Variants in SYT11 observed in about 807,000 individuals in gnomAD.
SYT11 encodes the protein synaptotagmin 11, also known as synaptotagmin-11.
Under a neutral mutation model 30.4 loss-of-function variants are expected in SYT11, and 12 were observed. The observed-to-expected ratio is 0.39, with a 90% CI of 0.25 to 0.64. The LOEUF is 0.64. Among genes scored for constraint, SYT11 ranks in the 30% least tolerant of loss-of-function variants. The pLI is 0.45. For missense variants in SYT11, 412 were observed against 552.0 expected (o/e 0.75, Z 2.54); for synonymous variants, 204 against 216.0 (o/e 0.94, Z 0.49).
chr1:155,868,012 G>A lies in SYT11; in HGVS notation c.82G>A (p.Val28Met), dbSNP rs145225266. Reference protein sequence around the residue: ...AGLIGASVLVVCVSVTVFVWS... With the variant: ...AGLIGASVLVMCVSVTVFVWS... ...CCTCATCGGGGCCTCTGTGCTGGTG[G>A]TGTGTGTCTCGGTGACCGTCTTTGT... is the stretch of plus-strand genomic sequence containing the variant. The change falls in exon 2 of 4, where the codon GTG (valine) becomes ATG (methionine). Residue 28 changes from valine to methionine, a missense_variant. Physicochemically the swap from Val to Met is conservative, Grantham distance 21. Transcript: ENST00000368324. This position sits in a 1 kb window ranked among gnomAD's most constrained non-coding sequence, Gnocchi z 4.7. 1.4e-5 allele frequency: 23 copies of A among 1,613,180 alleles called. No homozygotes were observed. The highest frequency in any genetic ancestry group is 1.6e-5 in the Non-Finnish European group (19 of 1,179,832).
intron 2 of SYT11, among the ~76,000 whole-genome samples, chr1:155,871,705 C>T (rs1672782720): frequency 6.6e-6 from 1 of 152,196 alleles, no homozygotes; most frequent in African/African-American, 2.4e-5. Flanking sequence ...AACACATGCC[C>T]TGGAGAAGGC....
chr1:155,877,383 C>T (rs1361696050), intron 2 of SYT11, among the ~76,000 whole-genome samples: 1 of 151,284 alleles, frequency 6.6e-6, no homozygotes, highest in Admixed American at 6.6e-5. Context: ...GGAATAGAGT[C>T]GTGAGCCACT....
In SYT11 at chr1:155,860,387, G is replaced by A. The variant is rs1329862851; in HGVS notation, c.34+592G>A. Among the ~76,000 whole-genome samples the A allele has an allele frequency of 2.6e-5, 4 of 152,222 alleles. No individual in the cohort carries two copies. The highest frequency in any genetic ancestry group is 9.7e-5 in the African/African-American group (4 of 41,450). On this transcript the variant is annotated intron_variant, in intron 1 of 3. Transcript: ENST00000368324. This position sits in a 1 kb window ranked among gnomAD's most constrained non-coding sequence, Gnocchi z 4.1. The stretch of plus-strand genomic sequence containing the variant: ...ATGCTGGGGCTAGGAGGAAACGTGA[G>A]CCCTGCAAGCTCCATTCCGCATCGT...
At chr1:155,870,066 C>T (rs867128049) in intron 2 of SYT11, among the ~76,000 whole-genome samples, 11 of 152,290 alleles carry the variant, frequency 7.2e-5, no homozygotes, top group Middle Eastern at 6.8e-3. Context: ...GAAGAGGTTT[C>T]ACTTTATTGA....
At position 155,881,736 on chromosome 1, in the gene SYT11, TA is replaced by T. The variant is rs895267451; in HGVS notation, c.*229del. On this transcript the variant is annotated 3_prime_UTR_variant, in exon 4 of 4. Transcript: ENST00000368324. The stretch of plus-strand genomic sequence containing the variant: ...GGCGCTAGAATCTTTTATTTTACTT[TA>T]TTTTTTTTGAGGTGGAGTTTCGCTC... 5.1e-6 allele frequency: 2 copies of T among 389,758 alleles called. No homozygotes were observed. The highest frequency in any genetic ancestry group is 4.2e-5 in the East Asian group (1 of 24,018). The allele number at this position is 389,758 out of a possible 1,614,324, so 24.1% of individuals were successfully genotyped here.
chr1:155,876,186 T>C (rs1354611278), intron 2 of SYT11, among the ~76,000 whole-genome samples: 1 of 151,994 alleles, frequency 6.6e-6, no homozygotes, highest in Non-Finnish European at 1.5e-5. Context: ...GGTATGATTT[T>C]GTCCCAAATT....
chr1:155,878,895 ATAAAT>A (rs1322138165), intron 2 of SYT11, among the ~76,000 whole-genome samples: 1 of 151,124 alleles, frequency 6.6e-6, no homozygotes, highest in Non-Finnish European at 1.5e-5. Flanking sequence ...AAATAAATAA[ATAAAT>A]TAATTAATTA....
chr1:155,869,201 T>G (rs1166168051), intron 2 of SYT11, among the ~76,000 whole-genome samples: 1 of 151,968 alleles, frequency 6.6e-6, no homozygotes, highest in Non-Finnish European at 1.5e-5. Flanking sequence ...ATTCAGTAAT[T>G]TTTCCCTCAG....
rs1481930873 is a variant in SYT11 at position 155,868,022 on chromosome 1, C to T, written c.92C>T (p.Ser31Leu). Residue 31 changes from serine to leucine, a missense_variant, in exon 2 of 4, where the codon TCG becomes TTG. Transcript: ENST00000368324. The surrounding 1 kb of genome is among the most constrained non-coding windows in gnomAD (Gnocchi z 4.7). ...GCCTCTGTGCTGGTGGTGTGTGTCT[C>T]GGTGACCGTCTTTGTCTGGTCATGC... Reference protein sequence around the residue: ...IGASVLVVCVSVTVFVWSCCH... With the variant: ...IGASVLVVCVLVTVFVWSCCH... The T allele has an allele frequency of 9.9e-6, 16 of 1,613,104 alleles. No homozygotes were observed. Among genetic ancestry groups the T allele is most frequent in the Non-Finnish European group, 1.4e-5 (16 of 1,179,836 alleles).
intron 2 of SYT11, among the ~76,000 whole-genome samples, chr1:155,877,029 A>G (rs822506): frequency 0.87 from 129,158 of 147,684 alleles, 57,160 homozygotes; most frequent in Non-Finnish European, 0.94. Context: ...TGCAGTGACT[A>G]CAATCTCGGC....
At chr1:155,878,604 G>A (rs1672907773) in intron 2 of SYT11, among the ~76,000 whole-genome samples, 2 of 151,940 alleles carry the variant, frequency 1.3e-5, no homozygotes, top group Non-Finnish European at 2.9e-5. Context: ...GGTGGCTCAC[G>A]CCTGTAATCC....
At chr1:155,867,039 G>A (rs766616733) in intron 1 of SYT11, among the ~76,000 whole-genome samples, 1 of 146,956 alleles carries the variant, frequency 6.8e-6, no homozygotes, top group East Asian at 2.0e-4. Context: ...TGCCTACAAT[G>A]GATATATTCA....
Position 155,868,544 on chromosome 1 carries a change from A to G in SYT11, c.614A>G (p.Asp205Gly). 6.2e-7 allele frequency: 1 copy of G among 1,614,178 alleles called. No homozygotes were observed. ...TACATCAAAATGACCATCCTTCCTG[A>G]CAAACGGCATCGGGTGAAGACCAGA... is the stretch of plus-strand genomic sequence containing the variant. ...DPYIKMTILP[D>G]KRHRVKTRVL... The change falls in exon 2 of 4, where the codon GAC becomes GGC. Residue 205 changes from aspartate to glycine, a missense_variant. Transcript: ENST00000368324. The surrounding 1 kb of genome is among the most constrained non-coding windows in gnomAD (Gnocchi z 4.7).
At chr1:155,881,062 C>CT in intron 3 of SYT11, 136 bp from the exon 4 acceptor site, 1 of 971,574 alleles carries the variant, frequency 1.0e-6, no homozygotes, top group Admixed American at 2.3e-5. Flanking sequence ...TGTGCAATCA[C>CT]TAAAGAACAC....
chr1:155,871,256 C>T (rs904241236), intron 2 of SYT11, among the ~76,000 whole-genome samples: 1 of 152,148 alleles, frequency 6.6e-6, no homozygotes, highest in African/African-American at 2.4e-5. Context: ...CCCTTCTCTC[C>T]CCTCCCCTGT....
intron 1 of SYT11, among the ~76,000 whole-genome samples, chr1:155,861,055 T>C (rs1339976736): frequency 6.6e-6 from 1 of 152,124 alleles, no homozygotes; most frequent in Non-Finnish European, 1.5e-5. Context: ...GGAAATGGCT[T>C]TTCTCATTCC....
In SYT11 at chr1:155,884,038, A is replaced by G. The variant is rs1421024265; in HGVS notation, c.*2530A>G. 1.4e-4 allele frequency: 22 copies of G among 152,702 alleles called. No homozygotes were observed. The Admixed American group carries it at 1.4e-3, about 10-fold the overall frequency. 9.5% of individuals were successfully genotyped at this position (152,702 alleles called of 1,614,324 possible). A position where few individuals can be genotyped will look rare whatever the true frequency, so the allele number is the denominator to read the frequency against. ...GAAGAAAATAATTTTTGTTTTCTAA[A>G]AATGCATTTTGAGATAGTTTAATGT... On this transcript the variant is annotated 3_prime_UTR_variant, in exon 4 of 4. Transcript: ENST00000368324.
rs191125474 is a variant in SYT11, at chr1:155,866,314, G to A, written c.35-1651G>A. On this transcript the variant is annotated intron_variant, in intron 1 of 3. Transcript: ENST00000368324. ...TTTATTTTAGCAGAGACAGGGTTTC[G>A]CCATGTTGGCCAGGCTGGTTTTGAA... Among the ~76,000 whole-genome samples, 565 of 151,948 alleles carry A rather than the reference G, an allele frequency of 3.7e-3. 6 individuals are homozygous for A. Among genetic ancestry groups the A allele is most frequent in the African/African-American group, 0.013 (526 of 41,484 alleles).
At chr1:155,866,292 A>G (rs1159687353) in intron 1 of SYT11, among the ~76,000 whole-genome samples, 1 of 151,468 alleles carries the variant, frequency 6.6e-6, no homozygotes, top group Non-Finnish European at 1.5e-5. Flanking sequence ...TTTGTATTTT[A>G]TTTTAGCAGA....
Sources: allele counts gnomAD v4.1 joint callset (sites outside exome capture counted in the v4.1 genomes callset), GRCh38; gene constraint gnomAD v4.1.1; non-coding constraint Gnocchi (gnomAD v3.1); transcripts MANE v1.5; gene names NCBI Gene and HGNC (gene_info 2026-07-23, HGNC 2026-07-21).